The following EPHA3 variants were observed in gnomAD, a reference collection of about 807,000 sequenced individuals.
EPHA3 encodes ephrin type-A receptor 3.
A neutral mutation model predicts 107.1 loss-of-function variants in EPHA3; 42 were observed. That is an observed-to-expected ratio of 0.39 (90% CI 0.31 to 0.51). The LOEUF is 0.51. EPHA3 is among the 20% of genes least tolerant of loss of function. The pLI is 0.78. For synonymous variants in EPHA3, 461 were observed against 424.8 expected (o/e 1.09, Z -1.05); for missense variants, 1,183 against 1,211.2 (o/e 0.98, Z 0.35).
chr3:89,313,943 T>G (rs1706832992), intron 3 of EPHA3, among the ~76,000 whole-genome samples: 1 of 151,922 alleles, frequency 6.6e-6, no homozygotes, highest in African/African-American at 2.4e-5. Context: ...AATTTAAAAT[T>G]TGATTTTTTT....
intron 2 of EPHA3, among the ~76,000 whole-genome samples, chr3:89,181,683 T>A (rs1705445972): frequency 1.3e-5 from 2 of 151,976 alleles, no homozygotes; most frequent in Non-Finnish European, 2.9e-5. Flanking sequence ...ACCAGCTCCA[T>A]AATCTGGGGG....
intron 3 of EPHA3, among the ~76,000 whole-genome samples, chr3:89,314,375 G>A (rs1706842054): frequency 6.6e-6 from 1 of 151,860 alleles, no homozygotes; most frequent in South Asian, 2.1e-4. Context: ...AGGATCACAT[G>A]GGGGCAAATA....
chr3:89,322,014 G>T (rs1409277899), intron 3 of EPHA3, among the ~76,000 whole-genome samples: 1 of 151,804 alleles, frequency 6.6e-6, no homozygotes, highest in Non-Finnish European at 1.5e-5. Flanking sequence ...TAGAAGTTTG[G>T]TAGAATTGTG....
intron 3 of EPHA3, among the ~76,000 whole-genome samples, chr3:89,265,766 G>A (rs1705523865): frequency 6.6e-6 from 1 of 152,080 alleles, no homozygotes; most frequent in South Asian, 2.1e-4. Flanking sequence ...ATGAAATTTA[G>A]TACATTCTCG....
intron 3 of EPHA3, among the ~76,000 whole-genome samples, chr3:89,211,729 TTCTTCTTCTTCTCCTTCTTC>T (rs1704095424): frequency 9.7e-5 from 1 of 10,294 alleles, no homozygotes; most frequent in Non-Finnish European, 2.5e-4. Context: ...CTTCTTTTTC[TTCTTCTTCTTCTCCTTCTTC>T]TTCTTCTTCT....
chr3:89,150,587 C>G (rs550833127), intron 2 of EPHA3, among the ~76,000 whole-genome samples: 1 of 152,070 alleles, frequency 6.6e-6, no homozygotes, highest in Admixed American at 6.6e-5. Flanking sequence ...CCCAGATGCA[C>G]ATATACATAT....
intron 1 of EPHA3, among the ~76,000 whole-genome samples, chr3:89,114,770 C>G (rs573484280): frequency 6.6e-6 from 1 of 152,192 alleles, no homozygotes; most frequent in Non-Finnish European, 1.5e-5. Flanking sequence ...GGCAAACGTG[C>G]GCCCTCTGCC....
At chr3:89,282,705 A>C (rs1195163291) in intron 3 of EPHA3, among the ~76,000 whole-genome samples, 1 of 152,126 alleles carries the variant, frequency 6.6e-6, no homozygotes, top group Non-Finnish European at 1.5e-5. Context: ...AAATGTAAAA[A>C]GTGAATAAAT....
intron 2 of EPHA3, 99 bp from the exon 3 acceptor site, chr3:89,209,761 A>G (rs1201353663): frequency 1.0e-6 from 1 of 998,260 alleles, no homozygotes; most frequent in Non-Finnish European, 1.4e-6. Flanking sequence ...TAATGAGTAA[A>G]TGATGATTTA....
intron 9 of EPHA3, among the ~76,000 whole-genome samples, chr3:89,411,785 T>C (rs1442049533): frequency 6.6e-6 from 1 of 151,854 alleles, no homozygotes; most frequent in Non-Finnish European, 1.5e-5. Flanking sequence ...GCATCTGCAG[T>C]CTCCACAACT....
intron 3 of EPHA3, among the ~76,000 whole-genome samples, chr3:89,279,745 C>A (rs1301571945): frequency 1.3e-5 from 2 of 152,062 alleles, no homozygotes; most frequent in Non-Finnish European, 2.9e-5. Flanking sequence ...ACTAATTTAT[C>A]TTCTCATTAA....
chr3:89,113,766 C>CT (rs1553702940), intron 1 of EPHA3, among the ~76,000 whole-genome samples: 7 of 151,664 alleles, frequency 4.6e-5, no homozygotes, highest in African/African-American at 1.7e-4. Flanking sequence ...CTTTGTTTCT[C>CT]CTCAAGTTTA....
At chr3:89,336,251 G>C (rs1707390312) in intron 3 of EPHA3, among the ~76,000 whole-genome samples, 1 of 151,660 alleles carries the variant, frequency 6.6e-6, no homozygotes, top group African/African-American at 2.4e-5. Context: ...TTACTCACTA[G>C]TTTTACATTC....
At chr3:89,121,745 G>A (rs1707392351) in intron 1 of EPHA3, among the ~76,000 whole-genome samples, 1 of 100,668 alleles carries the variant, frequency 9.9e-6, no homozygotes. Context: ...GACACAGGGA[G>A]ACCCCGTCTC....
rs138691659 is a variant in EPHA3, at chr3:89,399,154, G to A, written c.1432-164G>A. On this transcript the variant is annotated intron_variant, in intron 6 of 16. Transcript: ENST00000336596. ...AAAAAAAAAAAAATGCCTAAGTTGC[G>A]TTCAGAGAATAAAATAATTGAAATA... 1.7e-4 allele frequency among the ~76,000 whole-genome samples: 26 copies of A among 151,646 alleles called. No individual in the cohort carries two copies. The East Asian group carries it at 4.1e-3, about 24-fold the overall frequency.
chr3:89,131,874 G>A (rs758360929), intron 2 of EPHA3, among the ~76,000 whole-genome samples: 1 of 152,086 alleles, frequency 6.6e-6, no homozygotes, highest in Non-Finnish European at 1.5e-5. Context: ...ATATCTGTTC[G>A]CTGGATTCTC....
At chr3:89,429,791 G>A (rs182310987) in intron 12 of EPHA3, among the ~76,000 whole-genome samples, 3 of 148,214 alleles carry the variant, frequency 2.0e-5, no homozygotes, top group East Asian at 3.9e-4. Flanking sequence ...TGGTGCAATG[G>A]TGCAATGGTG....
chr3:89,255,976 C>T (rs1321248967), intron 3 of EPHA3, among the ~76,000 whole-genome samples: 1 of 151,750 alleles, frequency 6.6e-6, no homozygotes, highest in African/African-American at 2.4e-5. Context: ...GTCTGTATAC[C>T]CAGCATTTTG....
At chr3:89,354,366 A>C (rs2107447484) in intron 5 of EPHA3, among the ~76,000 whole-genome samples, 1 of 151,394 alleles carries the variant, frequency 6.6e-6, no homozygotes, top group Admixed American at 6.6e-5. Flanking sequence ...TAAATTCTTA[A>C]TTATATTTCA....
Sources: gnomAD v4.1 joint callset for allele counts (sites outside exome capture counted in the v4.1 genomes callset) on GRCh38, gnomAD v4.1.1 for gene constraint, MANE v1.5 for transcripts, NCBI Gene and HGNC (gene_info 2026-07-23, HGNC 2026-07-21) for gene names.